MICAL3: variants seen among roughly 807,000 people sequenced by gnomAD.
MICAL3 encodes the protein microtubule associated monooxygenase, calponin and LIM domain containing 3, also known as [F-actin]-monooxygenase MICAL3.
A neutral mutation model predicts 207.4 loss-of-function variants in MICAL3; 62 were observed. That is an observed-to-expected ratio of 0.30 (90% CI 0.24 to 0.37). MICAL3 has a LOEUF of 0.37. MICAL3 is among the 10% of genes least tolerant of loss of function. MICAL3 has a pLI of 1.00. For synonymous variants in MICAL3, 1,077 were observed against 1,069.3 expected (o/e 1.01, Z -0.14); for missense variants, 2,368 against 2,635.6 (o/e 0.90, Z 2.22).
chr22:17,889,064 C>T lies in MICAL3; in HGVS notation c.1861G>A (p.Glu621Lys), dbSNP rs770762523. ...SMVMYLTQFY[E>K]MFKDSLPSSD... ...GAGGGGAGGGAGTCCTTAAACATCT[C>T]GTAGAACTGAGTCAGGTACATCACC... Residue 621 changes from glutamate (E) to lysine (K), a missense_variant, in exon 13 of 32, where the codon GAG (glutamate) becomes AAG (lysine). Glu to Lys is a moderately conservative substitution (Grantham distance 56, BLOSUM62 1). Transcript: ENST00000441493. The T allele has an allele frequency of 1.2e-5, 19 of 1,611,702 alleles. No individual in the cohort carries two copies. Among genetic ancestry groups the T allele is most frequent in the Admixed American group, 8.3e-5 (5 of 59,928 alleles).
In MICAL3 at chr22:17,821,479, G is replaced by A. The variant is rs375696139; in HGVS notation, c.3479C>T (p.Ser1160Phe). 1.9e-4 allele frequency: 296 copies of A among 1,542,848 alleles called. No individual in the cohort carries two copies. Among genetic ancestry groups the A allele is most frequent in the Non-Finnish European group, 2.4e-4 (274 of 1,145,404 alleles). ...GAACAGAAGAGCTGATTCCTGGGGA[G>A]ACCGGATGGGGCTGGTGGCTTGGGA... The part of the protein sequence containing the change: ...GPSQATSPIR[S>F]PQESALLFIP... The change falls in exon 25 of 32, where the codon TCT (serine) becomes TTT (phenylalanine). Residue 1160 changes from serine (S) to phenylalanine (F), a missense_variant. Physicochemically the swap from Ser to Phe is radical, Grantham distance 155. Coordinates refer to ENST00000441493, the MANE Select transcript of MICAL3 (RefSeq NM_015241.3).
At chr22:17,996,176 A>T (rs1167540850) in intron 1 of MICAL3, among the ~76,000 whole-genome samples, 4 of 149,522 alleles carry the variant, frequency 2.7e-5, no homozygotes, top group Non-Finnish European at 5.9e-5. Context: ...ACAGTGGCTC[A>T]CACCTGTAAT....
rs772974320 is a variant in MICAL3, at chr22:17,818,072, T to G, written c.4589A>C (p.Tyr1530Ser). The G allele has an allele frequency of 1.2e-6, 2 of 1,613,106 alleles. No individual in the cohort carries two copies. The highest frequency in any genetic ancestry group is 2.2e-5 in the South Asian group (2 of 91,060). The stretch of plus-strand genomic sequence containing the variant: ...GCTTGAGTCCTCAGTCTTGTCGTCA[T>G]AGGTGTCCTCCACATCATCAGCAAA... Reference protein sequence around the residue: ...IPFADDVEDTYDDKTEDSSLQ... With the variant: ...IPFADDVEDTSDDKTEDSSLQ... The change falls in exon 26 of 32, where the codon TAT (tyrosine) becomes TCT (serine). Residue 1530 changes from tyrosine (Y) to serine (S), a missense_variant. Coordinates refer to ENST00000441493, the MANE Select transcript of MICAL3 (RefSeq NM_015241.3).
Position 17,818,497 on chromosome 22 carries a change from C to A in MICAL3, c.4164G>T (p.Arg1388Ser), listed in dbSNP as rs759016526. Residue 1388 changes from arginine (R) to serine (S), a missense_variant, in exon 26 of 32, where the codon AGG becomes AGT. This residue lies in a region of MICAL3 where 1,770 missense variants were observed against 1,863.2 expected (regional missense o/e 0.95). Coordinates refer to ENST00000441493, the MANE Select transcript of MICAL3 (RefSeq NM_015241.3). ...CGCCTTCCGGCTTTGGCAGGCCCAG[C>A]CTTTTGGGGATGGACAGAGGCTTGA... ...HLLKPLSIPK[R>S]LGLPKPEGEP... The A allele has an allele frequency of 1.2e-6, 2 of 1,613,062 alleles. No homozygotes were observed. The highest frequency in any genetic ancestry group is 1.7e-6 in the Non-Finnish European group (2 of 1,179,870).
intron 1 of MICAL3, among the ~76,000 whole-genome samples, chr22:17,940,926 G>C (rs947128238): frequency 3.3e-5 from 5 of 152,120 alleles, no homozygotes; most frequent in African/African-American, 1.2e-4. Context: ...CAGAGCCCTG[G>C]GTAGAATTAT....
intron 1 of MICAL3, among the ~76,000 whole-genome samples, chr22:18,017,313 A>G (rs1173857975): frequency 6.6e-6 from 1 of 151,822 alleles, no homozygotes; most frequent in Admixed American, 6.6e-5. Context: ...TCCCAGGTTC[A>G]AGTGATTCTC....
At chr22:17,942,246 T>C (rs1168714685) in intron 1 of MICAL3, among the ~76,000 whole-genome samples, 2 of 152,180 alleles carry the variant, frequency 1.3e-5, no homozygotes, top group Non-Finnish European at 2.9e-5. Context: ...AGGCAGTCCA[T>C]GCACCAAGTG....
chr22:17,922,692 A>C (rs1237066667), intron 1 of MICAL3, among the ~76,000 whole-genome samples: 1 of 152,188 alleles, frequency 6.6e-6, no homozygotes, highest in Admixed American at 6.5e-5. Context: ...GCACCAGGGC[A>C]CAGGCTTGGT....
Position 17,896,331 on chromosome 22 carries a change from G to T in MICAL3, c.1237C>A (p.Arg413=). 6.4e-7 allele frequency: 1 copy of T among 1,558,196 alleles called. No homozygotes were observed. The highest frequency in any genetic ancestry group is 8.7e-7 in the Non-Finnish European group (1 of 1,150,396). Residue 413 remains arginine (R), a synonymous_variant, in exon 9 of 32, where the codon CGG becomes AGG. Transcript: ENST00000441493. ...PFWPMGTGIA[R]GFLAAMDSAW... is the part of the protein sequence containing the mutation. ...GAGTCCATAGCAGCTAGAAAGCCCC[G>T]GGCTATTCCTGTTCCCATTGGCCAG...
intron 8 of MICAL3, 109 bp downstream of exon 8, chr22:17,896,615 A>T: frequency 1.7e-6 from 2 of 1,159,944 alleles, no homozygotes; most frequent in Non-Finnish European, 1.2e-6. Flanking sequence ...CAGGGAGTTT[A>T]CCTGTGCTGT....
intron 1 of MICAL3, among the ~76,000 whole-genome samples, chr22:17,985,806 G>A (rs925694308): frequency 6.6e-6 from 1 of 152,070 alleles, no homozygotes; most frequent in African/African-American, 2.4e-5. Context: ...CCCTCCTTTA[G>A]GACCCACCCA....
At chr22:17,875,671 A>G (rs1343526539) in intron 16 of MICAL3, 2 of 389,788 alleles carry the variant, frequency 5.1e-6, no homozygotes, top group African/African-American at 4.9e-5. Context: ...TTATCTAAAT[A>G]CCATGTATAG....
rs1213845420 is a variant in MICAL3, at chr22:17,790,791, CCT to C, written c.5948_5949del (p.Glu1983GlyfsTer17). 1.9e-6 allele frequency: 3 copies of C among 1,613,028 alleles called. No homozygotes were observed. The Admixed American group carries it at 5.0e-5, about 27-fold the overall frequency. ...LLEEQRLRER[E>X]EDKDLEAAML... ...ATGGCAGCCTCCAGGTCCTTGTCCT[CCT>C]CTCTCTCCCGGAGCCGCTGCTCCTC... On this transcript the variant is annotated frameshift_variant, in exon 32 of 32. Transcript: ENST00000441493. LOFTEE classifies it high-confidence loss of function.
rs769452497 is a variant in MICAL3 at position 17,790,988 on chromosome 22, C to T, written c.5824+10G>A. 2 of 1,612,084 alleles carry T rather than the reference C, an allele frequency of 1.2e-6. No homozygotes were observed. Among genetic ancestry groups the T allele is most frequent in the Non-Finnish European group, 1.7e-6 (2 of 1,179,636 alleles). On this transcript the variant is annotated intron_variant, in intron 31 of 31. Coordinates refer to ENST00000441493, the MANE Select transcript of MICAL3 (RefSeq NM_015241.3). Reference sequence around the variant, plus strand: ...CACCCTGGCCTCCATGGGTGCCTTACCCCACTCACCTTCCACTGCCATGCG... The same window carrying T: ...CACCCTGGCCTCCATGGGTGCCTTATCCCACTCACCTTCCACTGCCATGCG...
rs528692469 is a variant in MICAL3 at position 17,873,052 on chromosome 22, C to T, written c.2242-1029G>A. Reference sequence around the variant, plus strand: ...AAGAAAAACATCGCGTCAGTGTCCACGCAGGGGTACCGGCACAGGCAGGAC... The same window carrying T: ...AAGAAAAACATCGCGTCAGTGTCCATGCAGGGGTACCGGCACAGGCAGGAC... On this transcript the variant is annotated intron_variant, in intron 16 of 31. Coordinates refer to ENST00000441493, the MANE Select transcript of MICAL3 (RefSeq NM_015241.3). 5.3e-5 allele frequency among the ~76,000 whole-genome samples: 8 copies of T among 152,332 alleles called. 1 individual carries two copies. The South Asian group carries it at 6.2e-4, about 12-fold the overall frequency.
chr22:17,865,776 C>T (rs1236624563), intron 18 of MICAL3, 148 bp downstream of exon 18: 2 of 676,890 alleles, frequency 3.0e-6, no homozygotes, highest in Non-Finnish European at 2.7e-6. Context: ...TCCCTCTCCA[C>T]CCCGGACTGC....
chr22:17,945,641 A>G (rs1453246075), intron 1 of MICAL3, among the ~76,000 whole-genome samples: 8 of 152,150 alleles, frequency 5.3e-5, no homozygotes, highest in Non-Finnish European at 7.4e-5. Context: ...GGAGGGGCTC[A>G]GTAAAGGCAG....
intron 1 of MICAL3, among the ~76,000 whole-genome samples, chr22:17,936,410 C>T (rs1933530698): frequency 6.6e-6 from 1 of 152,052 alleles, no homozygotes; most frequent in Non-Finnish European, 1.5e-5. Flanking sequence ...GAACACCACA[C>T]ACCAGGGCCT....
intron 29 of MICAL3, chr22:17,803,988 G>C (rs1569071233): frequency 3.5e-6 from 1 of 287,818 alleles, no homozygotes; most frequent in Non-Finnish European, 5.2e-6. Flanking sequence ...GACACAGCGA[G>C]GCGGCAGAGG....
Sources: allele counts gnomAD v4.1 joint callset (sites outside exome capture counted in the v4.1 genomes callset), GRCh38; gene constraint gnomAD v4.1.1; regional missense constraint gnomAD v4.1.1; transcripts MANE v1.5; gene names NCBI Gene and HGNC (gene_info 2026-07-23, HGNC 2026-07-21).